The following VGLL4 variants were observed in gnomAD, a reference collection of about 807,000 sequenced individuals.
VGLL4 encodes the protein transcription cofactor vestigial-like protein 4.
Under a neutral mutation model 21.0 loss-of-function variants are expected in VGLL4, and 7 were observed. The observed-to-expected ratio is 0.33, with a 90% CI of 0.19 to 0.63. The LOEUF (loss-of-function observed/expected upper bound fraction) is 0.63, where lower values mean the gene tolerates loss of function less well. Among genes scored for constraint, VGLL4 ranks in the 20% least tolerant of loss-of-function variants. The probability of loss-of-function intolerance (pLI) is 0.78; values close to 1 mark genes in which losing one functional copy is unlikely to be tolerated. For missense variants in VGLL4, 394 were observed against 425.7 expected (o/e 0.93, Z 0.66); for synonymous variants, 222 against 173.2 (o/e 1.28, Z -2.21).
chr3:11,601,729 A>G, intron 2 of VGLL4, 104 bp downstream of exon 2: 3 of 1,318,194 alleles, frequency 2.3e-6, no homozygotes, highest in Non-Finnish European at 3.2e-6. Flanking sequence ...TCCTTTTCAA[A>G]TAAAGTATGC....
At chr3:11,646,569 A>C (rs969803900), upstream of VGLL4, among the ~76,000 whole-genome samples, 8 of 152,012 alleles carry the variant, frequency 5.3e-5, no homozygotes, top group Admixed American at 4.6e-4. Flanking sequence ...AAAAAAAAAA[A>C]CCCTGCCTTA....
chr3:11,650,442 G>A (rs1212532967), intron 2 of VGLL4, among the ~76,000 whole-genome samples: 1 of 152,070 alleles, frequency 6.6e-6, no homozygotes, highest in African/African-American at 2.4e-5. Flanking sequence ...ATCAGCCTGT[G>A]GAAAGAAAAG....
intron 1 of VGLL4, chr3:11,610,648 G>A (rs143410806): frequency 6.6e-6 from 1 of 152,332 alleles, no homozygotes; most frequent in Non-Finnish European, 1.5e-5. Context: ...TTTTGTTTAA[G>A]AGCAAAGATG....
chr3:11,720,225 C>CG (rs1382394623), intron 1 of VGLL4, among the ~76,000 whole-genome samples: 2 of 272 alleles, frequency 7.4e-3, no homozygotes, highest in Non-Finnish European at 0.022. Context: ...TCCCCCGGCT[C>CG]GCGAGCAGCC....
intron 2 of VGLL4, among the ~76,000 whole-genome samples, chr3:11,686,486 G>A (rs182141341): frequency 6.6e-6 from 1 of 152,280 alleles, no homozygotes; most frequent in Non-Finnish European, 1.5e-5. Context: ...GTGGAGCGGT[G>A]GTTGCCAGGG....
At chr3:11,662,422 A>G (rs1217849494) in intron 2 of VGLL4, among the ~76,000 whole-genome samples, 2 of 152,270 alleles carry the variant, frequency 1.3e-5, no homozygotes, top group Non-Finnish European at 2.9e-5. Flanking sequence ...TGGGAAGGCA[A>G]ACAACTGAAA....
intron 2 of VGLL4, among the ~76,000 whole-genome samples, chr3:11,584,648 C>T (rs767615723): frequency 1.3e-5 from 2 of 152,112 alleles, no homozygotes; most frequent in Non-Finnish European, 2.9e-5. Context: ...ACAATGTAAA[C>T]AACCCAAATA....
chr3:11,664,760 G>A (rs2076085396), intron 2 of VGLL4, among the ~76,000 whole-genome samples: 1 of 152,026 alleles, frequency 6.6e-6, no homozygotes, highest in African/African-American at 2.4e-5. Flanking sequence ...CTGAATATGG[G>A]GACACATAAG....
chr3:11,708,621 A>G (rs1034700817), intron 1 of VGLL4, among the ~76,000 whole-genome samples: 2 of 152,230 alleles, frequency 1.3e-5, no homozygotes, highest in African/African-American at 4.8e-5. Context: ...GGAAGTGACA[A>G]GTTTATTTTA....
At chr3:11,624,037 G>A (rs1011960237) in intron 1 of VGLL4, among the ~76,000 whole-genome samples, 5 of 151,984 alleles carry the variant, frequency 3.3e-5, no homozygotes, top group Admixed American at 1.3e-4. Context: ...CCACAGCACC[G>A]GGGCAAATTT....
upstream of VGLL4, among the ~76,000 whole-genome samples, chr3:11,647,411 C>T (rs1290821347): frequency 2.0e-5 from 3 of 152,142 alleles, no homozygotes; most frequent in East Asian, 5.8e-4. Context: ...CTCCTCACAC[C>T]CTACGCCAAG....
At chr3:11,645,590 C>T (rs758595065), upstream of VGLL4, among the ~76,000 whole-genome samples, 4 of 65,050 alleles carry the variant, frequency 6.1e-5, 1 homozygote, top group South Asian at 1.2e-3. Flanking sequence ...GGCGACAGAG[C>T]GAGACTCCGT....
chr3:11,565,303 A>G lies in VGLL4; in HGVS notation c.273-284T>C, dbSNP rs76667384. Among the ~76,000 whole-genome samples, 3,609 of 151,960 alleles carry G rather than the reference A, an allele frequency of 0.024. 136 individuals are homozygous for G. Among genetic ancestry groups the G allele is most frequent in the African/African-American group, 0.083 (3,456 of 41,398 alleles). On this transcript the variant is annotated intron_variant, in intron 2 of 4. Coordinates refer to ENST00000430365, the MANE Select transcript of VGLL4 (RefSeq NM_001128219.3). This position sits in a 1 kb window ranked among gnomAD's most constrained non-coding sequence, Gnocchi z 4.1. ...TGCCTGACTCTGTGTTCACTTCTAT[A>G]ATAATCTCCACTCCCTGGGAGCCTG...
Position 11,667,144 on chromosome 3 carries a change from A to G in VGLL4, c.64+35827T>C, listed in dbSNP as rs569302686. Among the ~76,000 whole-genome samples the G allele has an allele frequency of 5.4e-3, 821 of 152,288 alleles. 2 individuals carry two copies. The highest frequency in any genetic ancestry group is 8.9e-3 in the Non-Finnish European group (605 of 68,008). ...ACCACAGGTTGAGAATTCAAATTAC[A>G]TCCTTGATGCTAGTAGTGCAGATGC... On this transcript the variant is annotated intron_variant, in intron 2 of 5. Coordinates refer to the VGLL4 transcript ENST00000273038.
intron 3 of VGLL4, 143 bp downstream of exon 3, chr3:11,564,654 A>C: frequency 1.2e-6 from 1 of 822,554 alleles, no homozygotes; most frequent in Non-Finnish European, 1.8e-6. Flanking sequence ...ACAGAGGCGA[A>C]GGGTGGCATC....
intron 1 of VGLL4, among the ~76,000 whole-genome samples, chr3:11,708,340 T>G (rs2076790724): frequency 6.6e-6 from 1 of 152,172 alleles, no homozygotes; most frequent in Non-Finnish European, 1.5e-5. Flanking sequence ...AGAATGGAAG[T>G]TGAGACCTAA....
chr3:11,575,187 C>T (rs1413142967), intron 2 of VGLL4, among the ~76,000 whole-genome samples: 1 of 152,120 alleles, frequency 6.6e-6, no homozygotes, highest in South Asian at 2.1e-4. Context: ...TGCCAATGCC[C>T]GGAGGGTTTC....
intron 2 of VGLL4, among the ~76,000 whole-genome samples, chr3:11,594,351 TAGAC>T (rs768107681): frequency 3.9e-5 from 6 of 152,242 alleles, no homozygotes; most frequent in Middle Eastern, 3.2e-3. Context: ...AAGACAGAGA[TAGAC>T]AGATAGATGT....
chr3:11,617,522 C>T (rs1042154034), intron 1 of VGLL4, among the ~76,000 whole-genome samples: 3 of 152,154 alleles, frequency 2.0e-5, no homozygotes, highest in Non-Finnish European at 4.4e-5. Context: ...GCAAGCGTTA[C>T]GTGAGGAAGC....
Sources: allele counts gnomAD v4.1 joint callset (sites outside exome capture counted in the v4.1 genomes callset), GRCh38; gene constraint gnomAD v4.1.1; non-coding constraint Gnocchi (gnomAD v3.1); transcripts MANE v1.5; gene names NCBI Gene and HGNC (gene_info 2026-07-23, HGNC 2026-07-21).